SEM1: variants seen among roughly 807,000 people sequenced by gnomAD.
SEM1 encodes 26S proteasome complex subunit SEM1.
In SEM1, 3 loss-of-function variants were observed where a neutral mutation model predicts 12.7. The observed-to-expected ratio is 0.24, with a 90% CI of 0.11 to 0.61. The LOEUF (loss-of-function observed/expected upper bound fraction) is 0.61. SEM1 is among the 20% of genes least tolerant of loss of function. The pLI, the probability that SEM1 is intolerant of heterozygous loss-of-function variation, is 0.88. For synonymous variants in SEM1, 30 were observed against 27.8 expected (o/e 1.08, Z -0.25); for missense variants, 59 against 81.3 (o/e 0.73, Z 1.06).
intron 1 of SEM1, chr7:96,496,205 C>T (rs568498804): frequency 3.8e-5 from 32 of 842,626 alleles, no homozygotes; most frequent in Non-Finnish European, 5.2e-5. Flanking sequence ...CGTCATAGTA[C>T]ACTCAAGGTA....
intron 2 of SEM1, chr7:96,650,456 T>G (rs1354193064): frequency 1.3e-6 from 1 of 746,222 alleles, no homozygotes; most frequent in Non-Finnish European, 2.4e-6. Flanking sequence ...TCTGACTTGA[T>G]GGTACCAAGC....
chr7:96,565,865 T>A (rs1454768445), intron 2 of SEM1, among the ~76,000 whole-genome samples: 2 of 151,802 alleles, frequency 1.3e-5, no homozygotes, highest in Non-Finnish European at 3.0e-5. Context: ...TTCCCACAGA[T>A]CTTCTTCACA....
At chr7:96,650,283 A>G (rs1808931995) in intron 2 of SEM1, 1 of 472,390 alleles carries the variant, frequency 2.1e-6, no homozygotes, top group Admixed American at 3.8e-5. Context: ...CCGCTGCACA[A>G]GACTTGAAAC....
At chr7:96,592,832 G>T (rs536797398) in intron 2 of SEM1, among the ~76,000 whole-genome samples, 1 of 151,780 alleles carries the variant, frequency 6.6e-6, no homozygotes, top group African/African-American at 2.4e-5. Flanking sequence ...TAATTTGGTC[G>T]AAGGGTTCAT....
At chr7:96,572,275 ATC>A (rs1806059944) in intron 2 of SEM1, among the ~76,000 whole-genome samples, 2 of 152,000 alleles carry the variant, frequency 1.3e-5, no homozygotes, top group Admixed American at 1.3e-4. Context: ...TCATGTCTCT[ATC>A]TTCTTCAGTT....
At chr7:96,577,999 G>A (rs546471317) in intron 2 of SEM1, among the ~76,000 whole-genome samples, 2 of 152,020 alleles carry the variant, frequency 1.3e-5, no homozygotes, top group African/African-American at 4.8e-5. Flanking sequence ...AGAAGTAAAA[G>A]ACTATGAAAA....
At chr7:96,630,010 T>C (rs1808196852) in intron 2 of SEM1, among the ~76,000 whole-genome samples, 1 of 152,232 alleles carries the variant, frequency 6.6e-6, no homozygotes, top group South Asian at 2.1e-4. Context: ...CTGAGCCACC[T>C]GGAGCTGGCA....
At chr7:96,547,699 C>G (rs1805145139) in intron 2 of SEM1, among the ~76,000 whole-genome samples, 1 of 152,034 alleles carries the variant, frequency 6.6e-6, no homozygotes, top group Non-Finnish European at 1.5e-5. Flanking sequence ...GGCACTTTCC[C>G]CTTTGGCTTG....
chr7:96,676,682 C>T (rs935419421), intron 2 of SEM1, among the ~76,000 whole-genome samples: 1 of 152,198 alleles, frequency 6.6e-6, no homozygotes, highest in Non-Finnish European at 1.5e-5. Flanking sequence ...TCTATTCCAA[C>T]CTCTTCAATT....
At chr7:96,627,460 T>G (rs1418889813) in intron 2 of SEM1, among the ~76,000 whole-genome samples, 1 of 152,130 alleles carries the variant, frequency 6.6e-6, no homozygotes, top group Non-Finnish European at 1.5e-5. Flanking sequence ...TTTGGTATTT[T>G]GTGTTTCCTT....
intron 2 of SEM1, among the ~76,000 whole-genome samples, chr7:96,642,752 T>C (rs151284163): frequency 6.6e-6 from 1 of 152,080 alleles, no homozygotes; most frequent in East Asian, 1.9e-4. Context: ...AGCCATTTTT[T>C]TTTCATTTTT....
chr7:96,665,980 T>C (rs906159059), intron 2 of SEM1, among the ~76,000 whole-genome samples: 8 of 152,148 alleles, frequency 5.3e-5, no homozygotes, highest in African/African-American at 1.9e-4. Context: ...AAACAGCATT[T>C]CCAACCAAGT....
intron 2 of SEM1, among the ~76,000 whole-genome samples, chr7:96,585,708 C>T (rs1207547696): frequency 6.0e-5 from 9 of 150,708 alleles, no homozygotes; most frequent in South Asian, 2.1e-4. Flanking sequence ...GTGCAGTATT[C>T]GGGTGGGAGT....
intron 2 of SEM1, among the ~76,000 whole-genome samples, chr7:96,668,046 T>C (rs1584849470): frequency 6.6e-6 from 1 of 152,324 alleles, no homozygotes; most frequent in Non-Finnish European, 1.5e-5. Context: ...CCACGAATAC[T>C]ACTTTTAGAG....
downstream of SEM1, among the ~76,000 whole-genome samples, chr7:96,620,201 G>T (rs12669203): frequency 0.26 from 40,143 of 151,676 alleles, 5,324 homozygotes; most frequent in Middle Eastern, 0.31. Flanking sequence ...AGGGAGGGTG[G>T]GGCACCTCCC....
intron 2 of SEM1, among the ~76,000 whole-genome samples, chr7:96,569,671 T>C (rs1805956917): frequency 6.6e-6 from 1 of 152,086 alleles, no homozygotes; most frequent in Non-Finnish European, 1.5e-5. Flanking sequence ...TTATGACCAA[T>C]AGGTAATTTT....
At chr7:96,526,660 T>A (rs1252098033) in intron 2 of SEM1, among the ~76,000 whole-genome samples, 1 of 143,770 alleles carries the variant, frequency 7.0e-6, no homozygotes, top group Non-Finnish European at 1.5e-5. Context: ...CAGAGGATGA[T>A]AAAATGGTTT....
upstream of SEM1, among the ~76,000 whole-genome samples, chr7:96,500,431 C>A (rs1803485715): frequency 6.6e-6 from 1 of 152,050 alleles, no homozygotes; most frequent in South Asian, 2.1e-4. Context: ...ACGAATGTAA[C>A]TACCAAATAA....
chr7:96,680,130 A>G (rs1365902141), intron 2 of SEM1, among the ~76,000 whole-genome samples: 1 of 152,054 alleles, frequency 6.6e-6, no homozygotes, highest in East Asian at 1.9e-4. Flanking sequence ...ACTCTAAGAT[A>G]TGTTGTATAT....
Sources: allele counts gnomAD v4.1 joint callset (sites outside exome capture counted in the v4.1 genomes callset), GRCh38; gene constraint gnomAD v4.1.1; transcripts MANE v1.5; gene names NCBI Gene and HGNC (gene_info 2026-07-23, HGNC 2026-07-21).